The following HDAC9 variants were observed in gnomAD, a reference collection of about 807,000 sequenced individuals.
The protein encoded by HDAC9 is histone deacetylase 9.
Under a neutral mutation model 139.4 loss-of-function variants are expected in HDAC9, and 41 were observed. The ratio of observed to expected loss-of-function variants is 0.29; its 90% CI spans 0.23 to 0.38. The LOEUF is 0.38. Among genes scored for constraint, HDAC9 ranks in the 10% least tolerant of loss-of-function variants. The pLI is 1.00. For missense variants in HDAC9, 1,147 were observed against 1,297.0 expected, an observed-to-expected ratio of 0.88 and a Z score of 1.78; for synonymous variants, 517 against 476.2, an observed-to-expected ratio of 1.09 and a Z score of -1.12.
At chr7:18,872,099 A>C (rs989780606) in intron 21 of HDAC9, among the ~76,000 whole-genome samples, 1 of 152,172 alleles carries the variant, frequency 6.6e-6, no homozygotes, top group Non-Finnish European at 1.5e-5. Context: ...TGTTCTCATC[A>C]TACTTCACTA....
intron 1 of HDAC9, among the ~76,000 whole-genome samples, chr7:18,119,602 A>T (rs922457510): frequency 3.3e-5 from 5 of 152,216 alleles, no homozygotes; most frequent in African/African-American, 1.2e-4. Flanking sequence ...TAGCCAGTTG[A>T]TCAGAGGGAT....
chr7:18,908,726 T>A (rs543904820), intron 22 of HDAC9, among the ~76,000 whole-genome samples: 27 of 151,922 alleles, frequency 1.8e-4, no homozygotes, highest in African/African-American at 5.5e-4. Flanking sequence ...CAAAAAAAAA[T>A]TTCATTCTTT....
chr7:18,484,463 TA>T (rs1795822147), intron 1 of HDAC9, among the ~76,000 whole-genome samples: 1 of 152,202 alleles, frequency 6.6e-6, no homozygotes, highest in Non-Finnish European at 1.5e-5. Flanking sequence ...CATGTAATGC[TA>T]TAAGCATGTT....
intron 19 of HDAC9, among the ~76,000 whole-genome samples, chr7:18,832,530 C>G (rs1795926404): frequency 6.6e-6 from 1 of 152,138 alleles, no homozygotes; most frequent in African/African-American, 2.4e-5. Flanking sequence ...CCCCACATAT[C>G]TTAGATACAA....
At chr7:18,625,234 A>T (rs1841346608) in intron 6 of HDAC9, among the ~76,000 whole-genome samples, 1 of 152,164 alleles carries the variant, frequency 6.6e-6, no homozygotes, top group African/African-American at 2.4e-5. Flanking sequence ...TATACAAGCT[A>T]CATAGAGTAC....
intron 6 of HDAC9, among the ~76,000 whole-genome samples, chr7:18,610,384 T>G (rs927178080): frequency 2.0e-5 from 3 of 152,076 alleles, no homozygotes; most frequent in African/African-American, 4.8e-5. Flanking sequence ...GCAGTAATGC[T>G]CTCCCTCCAA....
intron 1 of HDAC9, among the ~76,000 whole-genome samples, chr7:18,144,226 G>T (rs796141114): frequency 6.6e-6 from 1 of 152,146 alleles, no homozygotes; most frequent in Admixed American, 6.5e-5. Flanking sequence ...TTAAATACCA[G>T]CTCTAAGAGG....
chr7:18,867,170 G>C (rs773729114), intron 21 of HDAC9, among the ~76,000 whole-genome samples: 19 of 152,008 alleles, frequency 1.2e-4, no homozygotes, highest in Non-Finnish European at 2.4e-4. Context: ...AGAAGGAAGA[G>C]GGTTGTTCTT....
At chr7:18,536,332 A>G (rs1334119490) in intron 2 of HDAC9, among the ~76,000 whole-genome samples, 1 of 152,138 alleles carries the variant, frequency 6.6e-6, no homozygotes, top group African/African-American at 2.4e-5. Context: ...TACTATAAGC[A>G]TGATGTTTTC....
At chr7:18,307,349 A>C (rs768280011) in intron 1 of HDAC9, among the ~76,000 whole-genome samples, 2 of 152,204 alleles carry the variant, frequency 1.3e-5, no homozygotes, top group Non-Finnish European at 2.9e-5. Context: ...TCTGAATATG[A>C]GAATCATCTT....
At chr7:18,732,497 A>G (rs1322574754) in intron 13 of HDAC9, among the ~76,000 whole-genome samples, 6 of 151,112 alleles carry the variant, frequency 4.0e-5, no homozygotes, top group Non-Finnish European at 8.9e-5. Flanking sequence ...ATGTGTATAT[A>G]TGTGTATATA....
At chr7:18,978,178 G>T (rs1035466683) in intron 25 of HDAC9, among the ~76,000 whole-genome samples, 1 of 152,152 alleles carries the variant, frequency 6.6e-6, no homozygotes, top group East Asian at 1.9e-4. Context: ...ATGGAAAAGA[G>T]TGAAGGCAAG....
intron 22 of HDAC9, among the ~76,000 whole-genome samples, chr7:18,887,631 T>C (rs543653821): frequency 1.4e-4 from 21 of 152,334 alleles, no homozygotes; most frequent in Non-Finnish European, 2.6e-4. Context: ...CTACTATTGT[T>C]TTCACACATA....
chr7:18,283,478 A>G (rs752315012), intron 2 of HDAC9, among the ~76,000 whole-genome samples: 6 of 152,216 alleles, frequency 3.9e-5, no homozygotes, highest in Non-Finnish European at 7.3e-5. Context: ...TTAGAGATTT[A>G]TTTTAAATGT....
chr7:18,516,711 C>G lies in HDAC9; in HGVS notation c.22+20387C>G, dbSNP rs560080615. Among the ~76,000 whole-genome samples, 89 of 151,896 alleles carry G rather than the reference C, an allele frequency of 5.9e-4. 2 individuals are homozygous for G. The highest frequency in any genetic ancestry group is 1.5e-5 in the Non-Finnish European group (1 of 67,896). On this transcript the variant is annotated intron_variant, in intron 2 of 25. Coordinates refer to ENST00000686413, the MANE Select transcript of HDAC9 (RefSeq NM_178425.4). The stretch of plus-strand genomic sequence containing the variant: ...CCCTGTCTCTACTAAAAGTACAAAA[C>G]TTAGCCAGGCGTGGTGGTGTGTGCC...
At chr7:18,337,892 TTTGGACTTCAGTTTTC>T (rs1470321564) in intron 1 of HDAC9, among the ~76,000 whole-genome samples, 39 of 151,756 alleles carry the variant, frequency 2.6e-4, no homozygotes, top group African/African-American at 8.7e-4. Flanking sequence ...GCTTAACTTC[TTTGGACTTCAGTTTTC>T]TCATCTGTAA....
chr7:18,547,109 C>T (rs985381679), intron 2 of HDAC9, among the ~76,000 whole-genome samples: 1 of 152,214 alleles, frequency 6.6e-6, no homozygotes, highest in African/African-American at 2.4e-5. Flanking sequence ...TACTTTATTG[C>T]TTAAAATTGC....
chr7:18,244,026 A>G (rs544179235), intron 2 of HDAC9, among the ~76,000 whole-genome samples: 2 of 152,302 alleles, frequency 1.3e-5, no homozygotes, highest in South Asian at 4.1e-4. Flanking sequence ...TATCCCATGG[A>G]GGGGAATAGA....
At chr7:18,960,933 T>C (rs1783487944) in intron 24 of HDAC9, among the ~76,000 whole-genome samples, 1 of 152,174 alleles carries the variant, frequency 6.6e-6, no homozygotes, top group African/African-American at 2.4e-5. Flanking sequence ...CATGGGGCTA[T>C]GTACACAACT....
Sources: gnomAD v4.1 joint callset for allele counts (sites outside exome capture counted in the v4.1 genomes callset) on GRCh38, gnomAD v4.1.1 for gene constraint, MANE v1.5 for transcripts, NCBI Gene and HGNC (gene_info 2026-07-23, HGNC 2026-07-21) for gene names.